Variants in ZNF461 observed in about 807,000 individuals in gnomAD.
ZNF461 encodes the protein gonadotropin-inducible ovarian transcription factor-1.
A neutral mutation model predicts 18.3 loss-of-function variants in ZNF461; 16 were observed. The ratio of observed to expected loss-of-function variants is 0.88; its 90% confidence interval spans 0.59 to 1.33. The LOEUF (loss-of-function observed/expected upper bound fraction) is 1.33. ZNF461 is among the 40% of genes most tolerant of loss of function. The probability of loss-of-function intolerance (pLI) is 0.00; values close to 1 mark genes in which losing one functional copy is unlikely to be tolerated. For missense variants in ZNF461, 595 were observed against 669.9 expected, an observed-to-expected ratio of 0.89 and a Z score of 1.23; for synonymous variants, 179 against 216.9, an observed-to-expected ratio of 0.83 and a Z score of 1.54.
chr19:36,647,876 A>G (rs2037556123), intron 4 of ZNF461, among the ~76,000 whole-genome samples: 1 of 151,966 alleles, frequency 6.6e-6, no homozygotes, highest in Admixed American at 6.5e-5. Flanking sequence ...AGTTCTCATG[A>G]TATCTGGTCC....
chr19:36,664,793 G>A lies in ZNF461; in HGVS notation c.-80-7C>T. The stretch of plus-strand genomic sequence containing the variant: ...CAATCCAAAGAAGGTGTTGCTGGGA[G>A]AGAGGGGAGTTAAAAAAAAGACAGG... On this transcript the variant is annotated splice_polypyrimidine_tract_variant and splice_region_variant and intron_variant, in intron 1 of 5. Coordinates refer to ENST00000588268, the MANE Select transcript of ZNF461 (RefSeq NM_153257.5). 8 of 1,046,162 alleles carry A rather than the reference G, an allele frequency of 7.6e-6. No individual in the cohort carries two copies. Among genetic ancestry groups the A allele is most frequent in the Non-Finnish European group, 1.1e-5 (8 of 756,588 alleles). 64.8% of individuals were successfully genotyped at this position (1,046,162 alleles called of 1,614,324 possible).
At chr19:36,664,591 C>CT (rs2037871896) in intron 2 of ZNF461, 107 bp downstream of exon 2, 4 of 823,830 alleles carry the variant, frequency 4.9e-6, no homozygotes, top group African/African-American at 3.7e-5. Flanking sequence ...GAGGCTATGT[C>CT]TCAAAAAAAA....
Position 36,656,528 on chromosome 19 carries a change from T to A in ZNF461, c.152A>T (p.Lys51Met). ...CTCCAATGAGGAGATTACGGCTGGC[T>A]TAGAAACAGAAAGTCCTAGTTATAA... The part of the protein sequence containing the change: ...NLVSLGLSVS[K>M]PAVISSLEQG... Residue 51 changes from lysine (K) to methionine (M), a missense_variant, in exon 4 of 6, where the codon AAG becomes ATG. Lys to Met is a moderately conservative substitution (Grantham distance 95). Coordinates refer to ENST00000588268, the MANE Select transcript of ZNF461 (RefSeq NM_153257.5). The A allele has an allele frequency of 6.2e-7, 1 of 1,613,922 alleles. No individual in the cohort carries two copies. The highest frequency in any genetic ancestry group is 8.5e-7 in the Non-Finnish European group (1 of 1,179,902).
At position 36,639,055 on chromosome 19, in the gene ZNF461, T is replaced by G. The variant is rs368670478; in HGVS notation, c.1290A>C (p.Leu430=). Residue 430 remains leucine (L), a synonymous_variant, in exon 6 of 6, where the codon CTA becomes CTC. Transcript: ENST00000588268. ...KAFCDGLQLT[L]HQRIHTGEKP... is the part of the protein sequence containing the mutation. ...TCTCACCAGTATGAATCCTCTGATG[T>G]AGGGTTAGTTGTAAGCCATCACAAA... 15 of 1,613,962 alleles carry G rather than the reference T, an allele frequency of 9.3e-6. No homozygotes were observed. In the South Asian group the frequency reaches 1.6e-4, roughly 18 times the overall value.
At chr19:36,643,758 T>C (rs1206858196) in intron 5 of ZNF461, 36 bp downstream of exon 5, 2 of 1,484,254 alleles carry the variant, frequency 1.3e-6, no homozygotes, top group African/African-American at 2.9e-5. Context: ...TTACCAGTAC[T>C]TCTACTGTAC....
intron 4 of ZNF461, among the ~76,000 whole-genome samples, chr19:36,648,499 TG>T (rs1351415199): frequency 1.5e-4 from 23 of 152,162 alleles, no homozygotes; most frequent in African/African-American, 5.1e-4. Context: ...ACACTTGTTA[TG>T]TTTTTTTTTT....
chr19:36,664,733 T>C lies in ZNF461; in HGVS notation c.-27A>G, dbSNP rs1905061817. On this transcript the variant is annotated 5_prime_UTR_variant, in exon 2 of 6. Coordinates refer to ENST00000588268, the MANE Select transcript of ZNF461 (RefSeq NM_153257.5). ...TCTTATTTTAGAATTGAATGTATTATTTAATCCTCTTCTTCGTTCCCTCTG... is the reference window on the plus strand; with the variant it reads ...TCTTATTTTAGAATTGAATGTATTACTTAATCCTCTTCTTCGTTCCCTCTG... 9 of 1,467,554 alleles carry C rather than the reference T, an allele frequency of 6.1e-6. No homozygotes were observed. The highest frequency in any genetic ancestry group is 8.1e-6 in the Non-Finnish European group (9 of 1,110,312). The allele number at this position is 1,467,554 out of a possible 1,614,324, so 90.9% of individuals were successfully genotyped here.
chr19:36,651,614 TA>T (rs2145392654), intron 4 of ZNF461, among the ~76,000 whole-genome samples: 1 of 152,304 alleles, frequency 6.6e-6, no homozygotes, highest in South Asian at 2.1e-4. Flanking sequence ...TACTTAGGTA[TA>T]AAACTAACAA....
Position 36,639,662 on chromosome 19 carries a change from A to G in ZNF461, c.683T>C (p.Val228Ala). 2 of 1,613,908 alleles carry G rather than the reference A, an allele frequency of 1.2e-6. No individual in the cohort carries two copies. Among genetic ancestry groups the G allele is most frequent in the Non-Finnish European group, 1.7e-6 (2 of 1,179,834 alleles). ...LSECKECTEI[V>A]NTPCLFKQQT... ...TTGTTTAAAAAGGCATGGTGTATTA[A>G]CAATTTCTGTGCATTCTTTACATTC... is the stretch of plus-strand genomic sequence containing the variant. Residue 228 changes from valine (V) to alanine (A), a missense_variant, in exon 6 of 6, where the codon GTT (valine) becomes GCT (alanine). Coordinates refer to ENST00000588268, the MANE Select transcript of ZNF461 (RefSeq NM_153257.5).
intron 4 of ZNF461, 121 bp from the exon 5 acceptor site, chr19:36,643,983 A>T: frequency 1.3e-6 from 1 of 768,160 alleles, no homozygotes; most frequent in Non-Finnish European, 1.8e-6. Context: ...CCCAAGCTGG[A>T]GTGCAATCAC....
intron 5 of ZNF461, 116 bp downstream of exon 5, chr19:36,643,678 G>A (rs2037469418): frequency 1.1e-6 from 1 of 936,186 alleles, no homozygotes; most frequent in South Asian, 3.1e-5. Context: ...GTATTTCTGT[G>A]TGTTCTAGAA....
At chr19:36,658,269 G>A (rs749974004) in intron 3 of ZNF461, 30 bp downstream of exon 3, 18 of 1,585,092 alleles carry the variant, frequency 1.1e-5, no homozygotes, top group Middle Eastern at 1.7e-4. Context: ...ATTCTGAATT[G>A]TCAGGTTCTT....
chr19:36,661,907 C>T (rs2037824677), intron 2 of ZNF461, among the ~76,000 whole-genome samples: 1 of 152,016 alleles, frequency 6.6e-6, no homozygotes, highest in Non-Finnish European at 1.5e-5. Flanking sequence ...GAGTTTCGCT[C>T]TTTTGAGGCT....
intron 3 of ZNF461, among the ~76,000 whole-genome samples, chr19:36,656,913 G>A (rs544650530): frequency 1.9e-4 from 28 of 151,286 alleles, no homozygotes; most frequent in Non-Finnish European, 3.8e-4. Flanking sequence ...TCCACTTCAC[G>A]GGTTCAAGTG....
intron 1 of ZNF461, 120 bp from the exon 2 acceptor site, chr19:36,664,906 T>C (rs753724838): frequency 5.1e-6 from 2 of 393,188 alleles, no homozygotes; most frequent in Non-Finnish European, 9.1e-6. Flanking sequence ...ACCTGATACA[T>C]ACATACATAA....
At chr19:36,648,354 T>C (rs2037565338) in intron 4 of ZNF461, among the ~76,000 whole-genome samples, 1 of 152,090 alleles carries the variant, frequency 6.6e-6, no homozygotes, top group Non-Finnish European at 1.5e-5. Context: ...TGCAGAACCA[T>C]GAGCCAATTA....
At chr19:36,663,601 C>T (rs921443263) in intron 2 of ZNF461, among the ~76,000 whole-genome samples, 1 of 150,818 alleles carries the variant, frequency 6.6e-6, no homozygotes, top group Non-Finnish European at 1.5e-5. Flanking sequence ...CTCACTGCAG[C>T]CGCAAACTCC....
intron 4 of ZNF461, among the ~76,000 whole-genome samples, chr19:36,652,371 C>T (rs1362781812): frequency 2.0e-5 from 3 of 150,936 alleles, no homozygotes; most frequent in South Asian, 2.1e-4. Flanking sequence ...TGTGGTGGCA[C>T]GTGCCTGTAA....
At position 36,637,480 on chromosome 19, in the gene ZNF461, A is replaced by C. The variant is rs990683155; in HGVS notation, c.*1173T>G. ...CTCCCAAAGTGCTGGGATTACAGGC[A>C]TGAGCCACCAAGCCTGGCCAATTTT... On this transcript the variant is annotated 3_prime_UTR_variant, in exon 6 of 6. Transcript: ENST00000588268. 1 of 154,840 alleles carries C rather than the reference A, an allele frequency of 6.5e-6. No individual in the cohort carries two copies. The highest frequency in any genetic ancestry group is 2.4e-5 in the African/African-American group (1 of 41,446). 9.6% of individuals were successfully genotyped at this position (154,840 alleles called of 1,614,324 possible). A position where few individuals can be genotyped will look rare whatever the true frequency, so the allele number is the denominator to read the frequency against.
Sources: gnomAD v4.1 joint callset for allele counts (sites outside exome capture counted in the v4.1 genomes callset) on GRCh38, gnomAD v4.1.1 for gene constraint, MANE v1.5 for transcripts, NCBI Gene and HGNC (gene_info 2026-07-23, HGNC 2026-07-21) for gene names.